Variants in NBEA observed in about 807,000 individuals in gnomAD.
NBEA encodes the protein lysosomal-trafficking regulator 2.
In NBEA, 44 loss-of-function variants were observed where a neutral mutation model predicts 343.4. That is an observed-to-expected ratio of 0.13 (90% CI 0.10 to 0.16). NBEA has a LOEUF of 0.16. NBEA is among the 10% of genes least tolerant of loss of function. NBEA has a pLI of 1.00. For missense variants in NBEA, 2,555 were observed against 3,631.3 expected (o/e 0.70, Z 7.62); for synonymous variants, 1,175 against 1,238.7 (o/e 0.95, Z 1.08).
intron 36 of NBEA, 52 bp downstream of exon 36, chr13:35,309,644 T>G: frequency 2.9e-6 from 3 of 1,017,328 alleles, no homozygotes; most frequent in Non-Finnish European, 2.9e-6. Context: ...TTTATTCCAC[T>G]GGGCAATTGC....
chr13:35,360,974 A>C (rs2152874336), intron 38 of NBEA, among the ~76,000 whole-genome samples: 1 of 152,164 alleles, frequency 6.6e-6, no homozygotes, highest in East Asian at 1.9e-4. Context: ...AATTAGGTGG[A>C]AGATGTCAAG....
chr13:35,475,045 G>C (rs748814111), intron 41 of NBEA: 3 of 1,605,170 alleles, frequency 1.9e-6, no homozygotes, highest in East Asian at 4.5e-5. Flanking sequence ...TTCGGCTCTT[G>C]ATTAAATCAT....
chr13:35,105,558 A>G (rs2065879301), intron 11 of NBEA, among the ~76,000 whole-genome samples: 1 of 152,038 alleles, frequency 6.6e-6, no homozygotes, highest in Admixed American at 6.6e-5. Flanking sequence ...ATTTCTGTCA[A>G]TTACTGAGCA....
intron 34 of NBEA, among the ~76,000 whole-genome samples, chr13:35,253,718 A>G (rs2032247993): frequency 1.3e-5 from 2 of 152,060 alleles, no homozygotes; most frequent in Admixed American, 1.3e-4. Context: ...ACTACATGGG[A>G]GAGTTGATTG....
chr13:35,060,609 G>T (rs1322887155), intron 8 of NBEA, among the ~76,000 whole-genome samples: 5 of 151,534 alleles, frequency 3.3e-5, no homozygotes, highest in Non-Finnish European at 7.4e-5. Flanking sequence ...TGTTAGCTTG[G>T]GTTGATGATA....
At chr13:35,310,348 C>T (rs1267689355) in intron 36 of NBEA, among the ~76,000 whole-genome samples, 2 of 152,098 alleles carry the variant, frequency 1.3e-5, no homozygotes, top group African/African-American at 4.8e-5. Context: ...ACAAACACAT[C>T]CATCCAAAGA....
chr13:35,213,546 G>A (rs1032725384), intron 33 of NBEA, among the ~76,000 whole-genome samples: 3 of 151,726 alleles, frequency 2.0e-5, no homozygotes, highest in Non-Finnish European at 2.9e-5. Context: ...GGGCTATATA[G>A]GTCTCTTTCA....
At chr13:35,645,779 C>T (rs2084197958) in intron 49 of NBEA, 90 bp from the exon 50 acceptor site, 8 of 642,202 alleles carry the variant, frequency 1.2e-5, no homozygotes, top group Middle Eastern at 4.3e-4. Context: ...TGCTGATCAC[C>T]CTCTGAATTA....
chr13:35,208,648 A>C, intron 31 of NBEA, 52 bp from the exon 32 acceptor site: 2 of 1,434,932 alleles, frequency 1.4e-6, no homozygotes, highest in Non-Finnish European at 1.9e-6. Context: ...GCAGGATTAT[A>C]ATTCATCTTC....
intron 34 of NBEA, among the ~76,000 whole-genome samples, chr13:35,245,464 T>C (rs2031042588): frequency 6.6e-6 from 1 of 152,172 alleles, no homozygotes; most frequent in Non-Finnish European, 1.5e-5. Context: ...TTAGCGGTTC[T>C]TGTTTTGCTG....
At chr13:35,660,102 C>A (rs1446945731) in intron 55 of NBEA, among the ~76,000 whole-genome samples, 1 of 152,142 alleles carries the variant, frequency 6.6e-6, no homozygotes, top group Non-Finnish European at 1.5e-5. Flanking sequence ...CAATGGTATT[C>A]CTTTGGAATC....
chr13:35,492,648 A>T (rs987349065), intron 41 of NBEA, among the ~76,000 whole-genome samples: 8 of 151,936 alleles, frequency 5.3e-5, no homozygotes, highest in African/African-American at 1.9e-4. Context: ...GTAACAGTGG[A>T]GGGTGAGATG....
At chr13:35,124,581 T>C (rs141418483) in intron 17 of NBEA, among the ~76,000 whole-genome samples, 3,249 of 150,156 alleles carry the variant, frequency 0.022, 59 homozygotes, top group Non-Finnish European at 0.031. Context: ...GATATATATA[T>C]ACATACACAT....
intron 1 of NBEA, among the ~76,000 whole-genome samples, chr13:34,993,940 G>T (rs1022267123): frequency 3.3e-5 from 5 of 151,986 alleles, no homozygotes; most frequent in African/African-American, 1.2e-4. Flanking sequence ...GCTCATGCCC[G>T]TAATCCCAGC....
chr13:35,425,704 T>C (rs9530568), intron 38 of NBEA, among the ~76,000 whole-genome samples: 23,043 of 152,162 alleles, frequency 0.15, 1,836 homozygotes, highest in East Asian at 0.32. Context: ...GGCATCCTTG[T>C]TAACTTTCTG....
At chr13:35,619,221 G>A (rs548609743) in intron 48 of NBEA, among the ~76,000 whole-genome samples, 17 of 152,142 alleles carry the variant, frequency 1.1e-4, no homozygotes, top group Middle Eastern at 3.4e-3. Flanking sequence ...TAGACATCTT[G>A]TGTTTGAGTG....
At chr13:35,040,431 ATTCAT>A (rs979138578) in intron 1 of NBEA, among the ~76,000 whole-genome samples, 2 of 151,738 alleles carry the variant, frequency 1.3e-5, no homozygotes, top group Non-Finnish European at 2.9e-5. Context: ...ATTTTTTAAC[ATTCAT>A]TTCATTATTT....
chr13:34,968,484 C>G lies in NBEA; in HGVS notation c.294+25370C>G, dbSNP rs73490349. Among the ~76,000 whole-genome samples, 970 of 152,232 alleles carry G rather than the reference C, an allele frequency of 6.4e-3. 11 individuals carry two copies. Among genetic ancestry groups the G allele is most frequent in the African/African-American group, 0.022 (929 of 41,554 alleles). ...GGACACTCTTATCACCCAGGACATT[C>G]TAAAGATTTTTGAAGTTCTGTGCCA... On this transcript the variant is annotated intron_variant, in intron 1 of 58. Transcript: ENST00000379939.
At chr13:35,664,890 T>C (rs920396345) in intron 55 of NBEA, among the ~76,000 whole-genome samples, 195 bp from the exon 56 acceptor site, 5 of 152,252 alleles carry the variant, frequency 3.3e-5, no homozygotes, top group African/African-American at 9.6e-5. Flanking sequence ...CTAAACAGCA[T>C]GTATAATAGA....
Sources: allele counts gnomAD v4.1 joint callset (sites outside exome capture counted in the v4.1 genomes callset), GRCh38; gene constraint gnomAD v4.1.1; transcripts MANE v1.5; gene names NCBI Gene and HGNC (gene_info 2026-07-23, HGNC 2026-07-21).